ITIH5: variants seen among roughly 807,000 people sequenced by gnomAD.
The protein encoded by ITIH5 is inter-alpha-trypsin inhibitor heavy chain 5, also known as inter-alpha-trypsin inhibitor heavy chain H5.
Under a neutral mutation model 77.5 loss-of-function variants are expected in ITIH5, and 65 were observed. The ratio of observed to expected loss-of-function variants is 0.84; its 90% confidence interval spans 0.69 to 1.03. ITIH5 has a LOEUF of 1.03. Ranked by LOEUF, ITIH5 falls within the 50% of genes least tolerant of loss-of-function variation. The pLI, the probability that ITIH5 is intolerant of heterozygous loss-of-function variation, is 0.00. For missense variants in ITIH5, 1,208 were observed against 1,213.1 expected (o/e 1.00, Z 0.06); for synonymous variants, 525 against 494.3 (o/e 1.06, Z -0.82).
At chr10:7,599,418 C>T (rs537540027) in intron 7 of ITIH5, among the ~76,000 whole-genome samples, 14 of 152,254 alleles carry the variant, frequency 9.2e-5, no homozygotes, top group East Asian at 1.9e-4. Context: ...GTCTCCCATC[C>T]GCTGTTCTGA....
intron 1 of ITIH5, among the ~76,000 whole-genome samples, chr10:7,659,791 G>A (rs1834246310): frequency 6.6e-6 from 1 of 152,172 alleles, no homozygotes; most frequent in African/African-American, 2.4e-5. Context: ...GCTTGACCCA[G>A]AATCAAAACT....
At chr10:7,627,660 C>T (rs1294399384) in intron 5 of ITIH5, among the ~76,000 whole-genome samples, 1 of 151,912 alleles carries the variant, frequency 6.6e-6, no homozygotes, top group Admixed American at 6.6e-5. Context: ...GTACCCAGTC[C>T]TTTTATTTGC....
chr10:7,588,650 T>G (rs1206584007), intron 7 of ITIH5, among the ~76,000 whole-genome samples: 2 of 152,272 alleles, frequency 1.3e-5, no homozygotes, highest in African/African-American at 4.8e-5. Flanking sequence ...TCCTCCACTT[T>G]CCCAGCACTT....
In ITIH5 at chr10:7,579,833, A is replaced by C; in HGVS notation, c.1340T>G (p.Leu447Arg). 6.2e-7 allele frequency: 1 copy of C among 1,614,208 alleles called. No homozygotes were observed. The highest frequency in any genetic ancestry group is 8.5e-7 in the Non-Finnish European group (1 of 1,180,030). ...GIGNDVDFRLLEKLSLENCGL... is the reference protein window; with the variant it reads ...GIGNDVDFRLREKLSLENCGL... ...ACAGTTCTCCAGCGACAGTTTCTCC[A>C]GCAGCCTGAAGTCCACGTCGTTGCC... Residue 447 changes from leucine (L) to arginine (R), a missense_variant, in exon 9 of 14, where the codon CTG becomes CGG. Leu to Arg is a moderately radical substitution (Grantham distance 102). Coordinates refer to ENST00000397146, the MANE Select transcript of ITIH5 (RefSeq NM_030569.7).
intron 8 of ITIH5, among the ~76,000 whole-genome samples, 200 bp from the exon 9 acceptor site, chr10:7,580,264 G>C (rs1832523444): frequency 6.6e-6 from 1 of 152,180 alleles, no homozygotes. Context: ...GGGATTACAG[G>C]TGCACACCAC....
At chr10:7,607,309 G>A (rs1833144796) in intron 7 of ITIH5, among the ~76,000 whole-genome samples, 1 of 152,194 alleles carries the variant, frequency 6.6e-6, no homozygotes, top group Non-Finnish European at 1.5e-5. Context: ...GTCACAAGGA[G>A]GACAGATCTT....
At chr10:7,577,883 T>G (rs1227956537) in intron 9 of ITIH5, among the ~76,000 whole-genome samples, 6 of 152,214 alleles carry the variant, frequency 3.9e-5, no homozygotes, top group Non-Finnish European at 8.8e-5. Context: ...CATTTTCCCC[T>G]TCTTTCATGA....
intron 7 of ITIH5, among the ~76,000 whole-genome samples, chr10:7,611,762 T>C (rs1833249264): frequency 6.6e-6 from 1 of 152,162 alleles, no homozygotes; most frequent in East Asian, 1.9e-4. Context: ...TGTTTACTTT[T>C]TTTTGTTTAC....
intron 5 of ITIH5, among the ~76,000 whole-genome samples, chr10:7,628,094 GC>G (rs1271962190): frequency 7.2e-5 from 11 of 152,054 alleles, no homozygotes; most frequent in African/African-American, 2.7e-4. Context: ...ACCCACCTTG[GC>G]CTTCTAAAGT....
chr10:7,579,423 G>A (rs1036583005), intron 9 of ITIH5, among the ~76,000 whole-genome samples: 12 of 152,150 alleles, frequency 7.9e-5, no homozygotes, highest in African/African-American at 2.9e-4. Flanking sequence ...TACTCAGGAG[G>A]CTGAGGCAAG....
rs772428688 is a variant in ITIH5, at chr10:7,637,295, C to G, written c.585G>C (p.Ala195=). The G allele has an allele frequency of 1.9e-6, 3 of 1,613,008 alleles. No homozygotes were observed. Among genetic ancestry groups the G allele is most frequent in the African/African-American group, 1.3e-5 (1 of 74,914 alleles). ...GCAGCACCTCCAGGGATGCGATGCC[C>G]GCGCTCTCCAGGATATTCACGTCCA... is the stretch of plus-strand genomic sequence containing the variant. ...LSVDVNILES[A]GIASLEVLPL... The change falls in exon 5 of 14, where the codon GCG becomes GCC. Residue 195 remains alanine (A), a synonymous_variant. Coordinates refer to ENST00000397146, the MANE Select transcript of ITIH5 (RefSeq NM_030569.7).
At position 7,563,299 on chromosome 10, in the gene ITIH5, C is replaced by A. The variant is rs770406264; in HGVS notation, c.2613G>T (p.Val871=). The change falls in exon 14 of 14, where the codon GTG becomes GTT. Residue 871 remains valine, a synonymous_variant. Coordinates refer to ENST00000397146, the MANE Select transcript of ITIH5 (RefSeq NM_030569.7). ...TTAGGACGGCCTCAGGCCCCTCTCCCACCTGAAGGAGCAGAGGGTGAGTGA... is the reference window on the plus strand; with the variant it reads ...TTAGGACGGCCTCAGGCCCCTCTCCAACCTGAAGGAGCAGAGGGTGAGTGA... ...QNLTHPLLLQ[V]GEGPEAVLTV... is the part of the protein sequence containing the mutation. 91 of 1,614,094 alleles carry A rather than the reference C, an allele frequency of 5.6e-5. No individual in the cohort carries two copies. The highest frequency in any genetic ancestry group is 4.9e-4 in the Middle Eastern group (3 of 6,084).
chr10:7,644,426 A>G (rs1588423700), intron 2 of ITIH5, among the ~76,000 whole-genome samples: 1 of 145,562 alleles, frequency 6.9e-6, no homozygotes, highest in East Asian at 2.0e-4. Flanking sequence ...TATATATCAC[A>G]TATATCATAT....
In ITIH5 at chr10:7,639,070, T is replaced by C. The variant is rs543245289; in HGVS notation, c.402-1592A>G. Among the ~76,000 whole-genome samples the C allele has an allele frequency of 8.5e-5, 13 of 152,352 alleles. No individual in the cohort carries two copies. In the East Asian group the frequency reaches 2.5e-3, roughly 29 times the overall value. On this transcript the variant is annotated intron_variant, in intron 4 of 13. Transcript: ENST00000397146. ...GTCATGATTCAACTAAACTAATCTGTAGTGTGACTCTGAACAATTGTGATA... is the reference window on the plus strand; with the variant it reads ...GTCATGATTCAACTAAACTAATCTGCAGTGTGACTCTGAACAATTGTGATA...
rs759202540 is a variant in ITIH5, at chr10:7,655,655, C to G, written c.111G>C (p.Arg37Ser). The G allele has an allele frequency of 1.2e-6, 2 of 1,612,852 alleles. No homozygotes were observed. Among genetic ancestry groups the G allele is most frequent in the Non-Finnish European group, 1.7e-6 (2 of 1,178,966 alleles). ...SSEQDGLRVPRQVRLLQRLKT... is the reference protein window; with the variant it reads ...SSEQDGLRVPSQVRLLQRLKT... ...CCAGCCTCTGCAACAGTCTGACTTG[C>G]CTCGGGACCCTGAGTCCATCCTAGA... The change falls in exon 2 of 14, where the codon AGG becomes AGC. Residue 37 changes from arginine to serine, a missense_variant. Physicochemically the swap from Arg to Ser is moderately radical, Grantham distance 110. Coordinates refer to ENST00000397146, the MANE Select transcript of ITIH5 (RefSeq NM_030569.7).
At chr10:7,644,577 C>CAT (rs1335256395) in intron 2 of ITIH5, among the ~76,000 whole-genome samples, 1 of 58,378 alleles carries the variant, frequency 1.7e-5, no homozygotes, top group Non-Finnish European at 3.3e-5. Flanking sequence ...ATATATATCA[C>CAT]ATATATCACA....
intron 5 of ITIH5, among the ~76,000 whole-genome samples, chr10:7,624,675 A>AC (rs1403548500): frequency 2.0e-5 from 3 of 148,592 alleles, no homozygotes; most frequent in Admixed American, 6.8e-5. Flanking sequence ...AAAATGAGCT[A>AC]CTAAGGAGGC....
Position 7,598,248 on chromosome 10 carries a change from C to G in ITIH5, c.940-12179G>C, listed in dbSNP as rs967598246. On this transcript the variant is annotated intron_variant, in intron 7 of 13. Transcript: ENST00000397146. ...AATAAAAATGTTTAATTGTAACATA[C>G]AGAAGATAACCAAAAAAGGTGTCTC... Among the ~76,000 whole-genome samples, 3 of 152,196 alleles carry G rather than the reference C, an allele frequency of 2.0e-5. No individual in the cohort carries two copies. The East Asian group carries it at 5.8e-4, about 29-fold the overall frequency.
intron 7 of ITIH5, chr10:7,609,343 T>C: frequency 2.4e-6 from 1 of 419,238 alleles, no homozygotes; most frequent in South Asian, 1.8e-5. Flanking sequence ...CCACTGTCTG[T>C]GAAGAGTTGG....
Sources: gnomAD v4.1 joint callset for allele counts (sites outside exome capture counted in the v4.1 genomes callset) on GRCh38, gnomAD v4.1.1 for gene constraint, MANE v1.5 for transcripts, NCBI Gene and HGNC (gene_info 2026-07-23, HGNC 2026-07-21) for gene names.